CDC34: variants seen among roughly 807,000 people sequenced by gnomAD.
The protein encoded by CDC34 is cell division cycle 34, ubiquitin conjugating enzyme, also known as ubiquitin-conjugating enzyme E2 R1.
Under a neutral mutation model 26.8 loss-of-function variants are expected in CDC34, and 18 were observed. That is an observed-to-expected ratio of 0.67 (90% confidence interval 0.47 to 1.00). The LOEUF is 1.00. CDC34 is among the 50% of genes least tolerant of loss of function. The probability of loss-of-function intolerance (pLI) is 0.00; values close to 1 mark genes in which losing one functional copy is unlikely to be tolerated. For missense variants in CDC34, 280 were observed against 334.5 expected, an observed-to-expected ratio of 0.84 and a Z score of 1.27; for synonymous variants, 178 against 147.5, an observed-to-expected ratio of 1.21 and a Z score of -1.50.
At position 537,112 on chromosome 19, in the gene CDC34, C is replaced by T. The variant is rs371610837; in HGVS notation, c.462C>T (p.Ser154=). 5 of 1,613,618 alleles carry T rather than the reference C, an allele frequency of 3.1e-6. No homozygotes were observed. The highest frequency in any genetic ancestry group is 4.2e-6 in the Non-Finnish European group (5 of 1,179,972). ...ASVMYRKWKE[S]KGKDREYTDI... ...TGATGTACAGGAAGTGGAAAGAGAGCAAGGGGAAGGATCGGGAGTACACAG... is the reference window on the plus strand; with the variant it reads ...TGATGTACAGGAAGTGGAAAGAGAGTAAGGGGAAGGATCGGGAGTACACAG... The change falls in exon 4 of 5, where the codon AGC becomes AGT. Residue 154 remains serine, a synonymous_variant. Transcript: ENST00000215574.
chr19:536,047 C>T, intron 2 of CDC34, 124 bp downstream of exon 2: 1 of 1,113,910 alleles, frequency 9.0e-7, no homozygotes, highest in East Asian at 2.4e-5. Flanking sequence ...CCTCCGGGAC[C>T]CGGGGCGCTG....
At chr19:537,227 GC>G in intron 4 of CDC34, 80 bp downstream of exon 4, 1 of 1,522,094 alleles carries the variant, frequency 6.6e-7, no homozygotes, top group South Asian at 1.2e-5. Flanking sequence ...CGGCCGCCCA[GC>G]CCCACCTTCC....
chr19:535,933 G>GC lies in CDC34; in HGVS notation c.264+15dup, dbSNP rs1431384037. On this transcript the variant is annotated intron_variant, in intron 2 of 4. Coordinates refer to ENST00000215574, the MANE Select transcript of CDC34 (RefSeq NM_004359.2). ...CCCTAACATCTACGAGGTGAGCGCG[G>GC]CCCCCACGGGCCTCAAGTCCTCATC... 5.0e-6 allele frequency: 8 copies of GC among 1,609,980 alleles called. No homozygotes were observed. Among genetic ancestry groups the GC allele is most frequent in the Non-Finnish European group, 6.8e-6 (8 of 1,177,056 alleles).
intron 3 of CDC34, 64 bp from the exon 4 acceptor site, chr19:536,949 C>T: frequency 1.2e-6 from 2 of 1,602,858 alleles, no homozygotes; most frequent in South Asian, 2.2e-5. Context: ...ACCCTCAGGG[C>T]CAGAGAAGAG....
rs1600417288 is a variant in CDC34, at chr19:531,880, G to T, written c.-52G>T. ...GGCCCGGCCCGTCTCGCGAACTCGC[G>T]GTGGTCGCGCGGCCCCGCGCTGCTC... On this transcript the variant is annotated 5_prime_UTR_variant, in exon 1 of 5. Coordinates refer to ENST00000215574, the MANE Select transcript of CDC34 (RefSeq NM_004359.2). The T allele has an allele frequency of 1.7e-6, 2 of 1,207,710 alleles. No homozygotes were observed. Among genetic ancestry groups the T allele is most frequent in the Admixed American group, 8.9e-5 (2 of 22,524 alleles). The allele number at this position is 1,207,710 out of a possible 1,614,324, so 74.8% of individuals were successfully genotyped here. A position where few individuals can be genotyped will look rare whatever the true frequency, so the allele number is the denominator to read the frequency against.
At chr19:538,358 C>G (rs1415160410) in intron 4 of CDC34, among the ~76,000 whole-genome samples, 2 of 152,236 alleles carry the variant, frequency 1.3e-5, no homozygotes, top group Non-Finnish European at 2.9e-5. Context: ...GGCTCTCCCT[C>G]TCCTCCCATC....
intron 4 of CDC34, among the ~76,000 whole-genome samples, chr19:540,617 G>A (rs12985212): frequency 0.013 from 4 of 302 alleles, 2 homozygotes; most frequent in African/African-American, 0.069. Context: ...CAGGCCCCCC[G>A]GGTTTAGAAT....
chr19:539,775 C>T (rs960558889), intron 4 of CDC34, among the ~76,000 whole-genome samples: 1 of 152,246 alleles, frequency 6.6e-6, no homozygotes, highest in Non-Finnish European at 1.5e-5. Context: ...TGTGCCACCC[C>T]CGGAAGCCCC....
intron 1 of CDC34, among the ~76,000 whole-genome samples, chr19:533,495 A>G (rs1979592459): frequency 1.3e-5 from 2 of 152,198 alleles, no homozygotes; most frequent in Non-Finnish European, 2.9e-5. Flanking sequence ...GTCCCCACAC[A>G]GGGAACAGAG....
chr19:537,247 G>A, intron 4 of CDC34, 100 bp downstream of exon 4: 1 of 1,381,628 alleles, frequency 7.2e-7, no homozygotes, highest in Non-Finnish European at 1.0e-6. Flanking sequence ...CCTGGTGAGG[G>A]TGGCGGAGCT....
intron 4 of CDC34, 194 bp from the exon 5 acceptor site, chr19:541,145 C>T (rs1979992966): frequency 4.3e-6 from 3 of 696,832 alleles, no homozygotes; most frequent in African/African-American, 1.8e-5. Context: ...ACCTCCTGCC[C>T]TTCCCGAGCC....
intron 4 of CDC34, chr19:538,535 A>ATT: frequency 1.2e-5 from 2 of 168,474 alleles, no homozygotes; most frequent in Non-Finnish European, 2.3e-5. Flanking sequence ...CTTCCTATCC[A>ATT]TTTTTTTTTT....
chr19:532,526 T>G (rs1459733981), intron 1 of CDC34, among the ~76,000 whole-genome samples: 3 of 152,092 alleles, frequency 2.0e-5, no homozygotes, highest in Non-Finnish European at 4.4e-5. Context: ...CGCGCCGGCC[T>G]TTCAGCTGCC....
rs751666566 is a variant in CDC34, at chr19:541,470, A to G, written c.629A>G (p.Tyr210Cys). 11 of 1,612,146 alleles carry G rather than the reference A, an allele frequency of 6.8e-6. No homozygotes were observed. The highest frequency in any genetic ancestry group is 5.3e-5 in the African/African-American group (4 of 74,884). The stretch of plus-strand genomic sequence containing the variant: ...GGCTCAGACCTCTTCTACGACGACT[A>G]CTACGAGGACGGCGAGGTGGAGGAG... ...DEGSDLFYDD[Y>C]YEDGEVEEEA... Residue 210 changes from tyrosine (Y) to cysteine (C), a missense_variant, in exon 5 of 5, where the codon TAC (tyrosine) becomes TGC (cysteine). Coordinates refer to ENST00000215574, the MANE Select transcript of CDC34 (RefSeq NM_004359.2).
At chr19:539,909 C>T (rs1979933757) in intron 4 of CDC34, among the ~76,000 whole-genome samples, 1 of 152,186 alleles carries the variant, frequency 6.6e-6, no homozygotes, top group Non-Finnish European at 1.5e-5. Context: ...ACACGGTGCC[C>T]TCCAGGAAGT....
chr19:539,335 C>T (rs1431683698), intron 4 of CDC34, among the ~76,000 whole-genome samples: 4 of 151,844 alleles, frequency 2.6e-5, no homozygotes, highest in South Asian at 2.1e-4. Flanking sequence ...GTGCCGTCCC[C>T]GGGGCACCGT....
intron 4 of CDC34, among the ~76,000 whole-genome samples, chr19:539,619 C>A (rs1196198115): frequency 6.6e-6 from 1 of 152,176 alleles, no homozygotes; most frequent in African/African-American, 2.4e-5. Flanking sequence ...CATGCGGGCA[C>A]TGTGGGACCC....
At chr19:539,250 G>A (rs7255072) in intron 4 of CDC34, among the ~76,000 whole-genome samples, 55,270 of 151,718 alleles carry the variant, frequency 0.36, 12,316 homozygotes, top group East Asian at 0.56. Flanking sequence ...GCGGTGTGCC[G>A]GCGGCACCTC....
At chr19:539,437 C>G (rs113776545) in intron 4 of CDC34, among the ~76,000 whole-genome samples, 9 of 152,302 alleles carry the variant, frequency 5.9e-5, no homozygotes, top group African/African-American at 2.2e-4. Flanking sequence ...GTCAGTCACC[C>G]CCCCAGCCCA....
Sources: gnomAD v4.1 joint callset for allele counts (sites outside exome capture counted in the v4.1 genomes callset) on GRCh38, gnomAD v4.1.1 for gene constraint, MANE v1.5 for transcripts, NCBI Gene and HGNC (gene_info 2026-07-23, HGNC 2026-07-21) for gene names.